Variants in CADM2 observed in about 807,000 individuals in gnomAD.
CADM2 encodes immunoglobulin superfamily member 4D.
CADM2 carries 12 observed loss-of-function variants against 49.8 expected under a neutral mutation model. The ratio of observed to expected loss-of-function variants is 0.24; its 90% CI spans 0.15 to 0.39. The LOEUF (loss-of-function observed/expected upper bound fraction) is 0.39, where lower values mean the gene tolerates loss of function less well. Among genes scored for constraint, CADM2 ranks in the 10% least tolerant of loss-of-function variants. The pLI is 1.00. For synonymous variants in CADM2, 214 were observed against 175.4 expected (o/e 1.22, Z -1.74); for missense variants, 378 against 492.3 (o/e 0.77, Z 2.20).
chr3:85,141,732 T>C (rs1325997121), intron 1 of CADM2, among the ~76,000 whole-genome samples: 1 of 152,170 alleles, frequency 6.6e-6, no homozygotes, highest in African/African-American at 2.4e-5. Context: ...AACCCACAAT[T>C]ATCCGGAACT....
chr3:85,878,247 A>T (rs909874140), intron 3 of CADM2, among the ~76,000 whole-genome samples: 1 of 152,084 alleles, frequency 6.6e-6, no homozygotes, highest in Admixed American at 6.6e-5. Context: ...ATTCTAAACC[A>T]CATTCTTTAT....
intron 1 of CADM2, among the ~76,000 whole-genome samples, chr3:85,414,791 T>C (rs2107480053): frequency 6.6e-6 from 1 of 152,160 alleles, no homozygotes; most frequent in East Asian, 1.9e-4. Flanking sequence ...ATCTTGGAAA[T>C]TTCTGAAACT....
At chr3:85,765,862 G>A (rs1035752403) in intron 2 of CADM2, among the ~76,000 whole-genome samples, 12 of 152,088 alleles carry the variant, frequency 7.9e-5, no homozygotes, top group African/African-American at 2.2e-4. Flanking sequence ...ACTCATCCAC[G>A]AATGAGGAAA....
At chr3:85,382,189 CAT>C in intron 1 of CADM2, among the ~76,000 whole-genome samples, 1 of 152,018 alleles carries the variant, frequency 6.6e-6, no homozygotes, top group Non-Finnish European at 1.5e-5. Flanking sequence ...AGCAAAAAAA[CAT>C]AAACAGAATA....
Position 85,184,233 on chromosome 3 carries a change from G to A in CADM2, c.61+224565G>A, listed in dbSNP as rs111844605. On this transcript the variant is annotated intron_variant, in intron 1 of 9. Coordinates refer to ENST00000383699, the MANE Select transcript of CADM2 (RefSeq NM_001167675.2). ...TGTGACCTTTGATACAACAGATTCA[G>A]TAGATTTGTGAGTGTGTTTCCTAAT... 2.0e-3 allele frequency among the ~76,000 whole-genome samples: 305 copies of A among 152,230 alleles called. 1 individual carries two copies. Among genetic ancestry groups the A allele is most frequent in the African/African-American group, 7.0e-3 (291 of 41,558 alleles).
At chr3:85,533,954 T>A (rs2061373111) in intron 1 of CADM2, among the ~76,000 whole-genome samples, 1 of 152,154 alleles carries the variant, frequency 6.6e-6, no homozygotes. Context: ...TGTAAAATAT[T>A]CTAAACTTAT....
chr3:85,886,069 A>G (rs538862752), intron 4 of CADM2, 121 bp from the exon 5 acceptor site: 417 of 1,435,060 alleles, frequency 2.9e-4, no homozygotes, highest in Non-Finnish European at 2.5e-4. Flanking sequence ...TAGTTTGTTC[A>G]TCTTGATCGA....
At chr3:85,439,594 T>A (rs2037101098) in intron 1 of CADM2, among the ~76,000 whole-genome samples, 1 of 152,210 alleles carries the variant, frequency 6.6e-6, no homozygotes, top group African/African-American at 2.4e-5. Flanking sequence ...TAAGTCAGTA[T>A]GTTTTAATCA....
intron 8 of CADM2, among the ~76,000 whole-genome samples, chr3:86,019,668 G>C (rs1470249671): frequency 4.6e-5 from 7 of 151,954 alleles, no homozygotes; most frequent in East Asian, 1.9e-4. Flanking sequence ...CTCATGATTT[G>C]GCTCTCTGTT....
At chr3:86,040,872 C>A (rs1403076001) in intron 8 of CADM2, among the ~76,000 whole-genome samples, 1 of 152,200 alleles carries the variant, frequency 6.6e-6, no homozygotes, top group East Asian at 1.9e-4. Context: ...ATCAGACTAA[C>A]AGCTGATCTC....
intron 1 of CADM2, among the ~76,000 whole-genome samples, chr3:85,525,912 C>T (rs539277524): frequency 7.9e-5 from 12 of 152,122 alleles, no homozygotes; most frequent in African/African-American, 2.9e-4. Context: ...AAAAATAACC[C>T]ACAATTTCAT....
intron 5 of CADM2, among the ~76,000 whole-genome samples, chr3:85,890,549 T>C (rs1714282072): frequency 6.6e-6 from 1 of 152,148 alleles, no homozygotes; most frequent in Non-Finnish European, 1.5e-5. Flanking sequence ...TGTATTCTGA[T>C]AGATTATCGG....
At chr3:85,589,315 C>T (rs1262256054) in intron 1 of CADM2, among the ~76,000 whole-genome samples, 2 of 152,002 alleles carry the variant, frequency 1.3e-5, no homozygotes, top group Non-Finnish European at 2.9e-5. Flanking sequence ...CCTAAAACCT[C>T]AATTACTTAG....
intron 1 of CADM2, among the ~76,000 whole-genome samples, chr3:85,509,639 G>A (rs1213904767): frequency 6.6e-6 from 1 of 152,076 alleles, no homozygotes; most frequent in Non-Finnish European, 1.5e-5. Flanking sequence ...GACATTAAAA[G>A]TGATGGTTTG....
At chr3:85,926,137 AAAATAAATAAAT>A (rs6147941) in intron 6 of CADM2, among the ~76,000 whole-genome samples, 8,627 of 143,574 alleles carry the variant, frequency 0.06, 872 homozygotes, top group African/African-American at 0.2. Context: ...CTCTGTCTCA[AAAATAAATAAAT>A]AAATAAATAA....
chr3:86,010,329 G>A lies in CADM2; in HGVS notation c.970+48682G>A, dbSNP rs529801444. 5.6e-4 allele frequency among the ~76,000 whole-genome samples: 85 copies of A among 151,756 alleles called. 1 individual carries two copies. The South Asian group carries it at 6.4e-3, about 12-fold the overall frequency. ...TTTTTTCCCATGTAGGAGTAAACTT[G>A]TTTGTTTGTTTTTAAATCAATATTC... On this transcript the variant is annotated intron_variant, in intron 8 of 9. Transcript: ENST00000383699.
At chr3:85,052,807 C>G (rs1286419037) in intron 1 of CADM2, among the ~76,000 whole-genome samples, 1 of 151,954 alleles carries the variant, frequency 6.6e-6, no homozygotes, top group East Asian at 1.9e-4. Flanking sequence ...TAAGTATATA[C>G]AGCAATGTCT....
chr3:85,266,785 A>G (rs190923779), intron 1 of CADM2, among the ~76,000 whole-genome samples: 164 of 151,964 alleles, frequency 1.1e-3, no homozygotes, highest in Non-Finnish European at 6.5e-4. Flanking sequence ...TAGAAGTTCT[A>G]GATTAGTTTT....
chr3:85,248,727 C>T (rs1257542206), intron 1 of CADM2, among the ~76,000 whole-genome samples: 2 of 152,034 alleles, frequency 1.3e-5, no homozygotes, highest in East Asian at 1.9e-4. Context: ...ATATTTAAAT[C>T]GAAAGTAGGT....
Sources: gnomAD v4.1 joint callset for allele counts (sites outside exome capture counted in the v4.1 genomes callset) on GRCh38, gnomAD v4.1.1 for gene constraint, MANE v1.5 for transcripts, NCBI Gene and HGNC (gene_info 2026-07-23, HGNC 2026-07-21) for gene names.